Variants in PEAK1 observed in about 807,000 individuals in gnomAD.
The protein encoded by PEAK1 is inactive tyrosine-protein kinase PEAK1.
In PEAK1, 54 loss-of-function variants were observed where a neutral mutation model predicts 124.7. That is an observed-to-expected ratio of 0.43 (90% confidence interval 0.35 to 0.54). The LOEUF (loss-of-function observed/expected upper bound fraction) is 0.54. Among genes scored for constraint, PEAK1 ranks in the 20% least tolerant of loss-of-function variants. The probability of loss-of-function intolerance (pLI) is 0.01; values close to 1 mark genes in which losing one functional copy is unlikely to be tolerated. For synonymous variants in PEAK1, 719 were observed against 760.0 expected (o/e 0.95, Z 0.89); for missense variants, 2,046 against 2,134.5 (o/e 0.96, Z 0.82).
intron 5 of PEAK1, among the ~76,000 whole-genome samples, chr15:77,271,453 T>G (rs1045053677): frequency 6.6e-6 from 1 of 152,140 alleles, no homozygotes; most frequent in African/African-American, 2.4e-5. Flanking sequence ...GGATTATAAA[T>G]CATGCTGCTA....
chr15:77,388,681 T>G (rs1419660974), intron 1 of PEAK1, among the ~76,000 whole-genome samples: 4 of 152,152 alleles, frequency 2.6e-5, no homozygotes, highest in African/African-American at 4.8e-5. Context: ...TGATCATTGT[T>G]TTCTGTTAAA....
intron 1 of PEAK1, among the ~76,000 whole-genome samples, chr15:77,397,014 TCTC>T (rs2070942589): frequency 1.3e-5 from 2 of 152,256 alleles, no homozygotes; most frequent in South Asian, 4.1e-4. Flanking sequence ...TACACATTCT[TCTC>T]CTCAGCACAT....
At chr15:77,241,606 A>G (rs536258019) in intron 6 of PEAK1, among the ~76,000 whole-genome samples, 79 of 152,250 alleles carry the variant, frequency 5.2e-4, no homozygotes, top group South Asian at 2.9e-3. Context: ...TCTTAGAATT[A>G]ATACGTATTT....
At chr15:77,259,159 C>T (rs1375934428) in intron 5 of PEAK1, among the ~76,000 whole-genome samples, 1 of 152,124 alleles carries the variant, frequency 6.6e-6, no homozygotes, top group Non-Finnish European at 1.5e-5. Flanking sequence ...ACAGATAACA[C>T]TTACCAAATT....
chr15:77,225,666 T>TTTTATATATATATA (rs1555448932), intron 6 of PEAK1, among the ~76,000 whole-genome samples: 3 of 87,992 alleles, frequency 3.4e-5, no homozygotes, highest in Admixed American at 1.3e-4. Flanking sequence ...TGTGTATAAT[T>TTTTATATATATATA]TATATATATA....
At chr15:77,313,652 ATGTGTGTGTGTGTG>A (rs775220459) in intron 2 of PEAK1, among the ~76,000 whole-genome samples, 4 of 90,600 alleles carry the variant, frequency 4.4e-5, no homozygotes, top group Admixed American at 1.3e-4. Context: ...GTATGTATGT[ATGTGTGTGTGTGTG>A]TGTGTGTGTG....
intron 1 of PEAK1, chr15:77,371,000 A>G (rs2068598030): frequency 1.3e-6 from 1 of 797,404 alleles, no homozygotes; most frequent in Non-Finnish European, 1.5e-6. Flanking sequence ...ACTGCACTCC[A>G]GCCTGGCAAC....
intron 9 of PEAK1, among the ~76,000 whole-genome samples, chr15:77,116,959 T>C (rs978079246): frequency 6.6e-6 from 1 of 152,184 alleles, no homozygotes; most frequent in African/African-American, 2.4e-5. Flanking sequence ...TATAATCCTA[T>C]ATGCTCATCA....
At chr15:77,312,155 T>C (rs965979015) in intron 2 of PEAK1, among the ~76,000 whole-genome samples, 1 of 152,194 alleles carries the variant, frequency 6.6e-6, no homozygotes, top group East Asian at 1.9e-4. Flanking sequence ...GTACTACTCC[T>C]GGGTTTCTGT....
intron 2 of PEAK1, among the ~76,000 whole-genome samples, chr15:77,340,252 G>GT (rs1321597663): frequency 1.3e-5 from 2 of 152,180 alleles, no homozygotes; most frequent in Non-Finnish European, 2.9e-5. Context: ...TGGATAAAGT[G>GT]TATTAAGTCC....
At chr15:77,188,365 T>G (rs1323811078) in intron 6 of PEAK1, among the ~76,000 whole-genome samples, 1 of 152,206 alleles carries the variant, frequency 6.6e-6, no homozygotes, top group Non-Finnish European at 1.5e-5. Flanking sequence ...AATGCACCCC[T>G]GCAAAGCAGC....
At chr15:77,343,957 T>C (rs977827662) in intron 2 of PEAK1, among the ~76,000 whole-genome samples, 19 of 152,210 alleles carry the variant, frequency 1.2e-4, no homozygotes, top group African/African-American at 4.1e-4. Flanking sequence ...GGACTCCAAC[T>C]TCATTCTTTT....
At chr15:77,191,456 G>A (rs927621987) in intron 6 of PEAK1, among the ~76,000 whole-genome samples, 1 of 152,090 alleles carries the variant, frequency 6.6e-6, no homozygotes, top group African/African-American at 2.4e-5. Context: ...ATTTCAATGG[G>A]AACACTGTTA....
chr15:77,127,372 G>A lies in PEAK1; in HGVS notation c.4077+5633C>T, dbSNP rs149914619. Among the ~76,000 whole-genome samples the A allele has an allele frequency of 5.2e-3, 797 of 152,298 alleles. 7 individuals are homozygous for A. The highest frequency in any genetic ancestry group is 0.018 in the African/African-American group (751 of 41,566). On this transcript the variant is annotated intron_variant, in intron 9 of 9. Coordinates refer to ENST00000682557, the MANE Select transcript of PEAK1 (RefSeq NM_001385026.1). ...TGATACTGAGAAGTGGTGTGCTGTT[G>A]TAAAAATACTTTAAAAGGTAGAAGC...
rs1437976458 is a variant in PEAK1 at position 77,111,245 on chromosome 15, G to A, written c.*2911C>T. On this transcript the variant is annotated 3_prime_UTR_variant, in exon 10 of 10. Transcript: ENST00000682557. ...TTCAAACACATAGATATATAAATGT[G>A]TGTGTATGTGTCTACAGAGGGTAGG... The A allele has an allele frequency of 6.6e-6, 1 of 152,224 alleles. No homozygotes were observed. Among genetic ancestry groups the A allele is most frequent in the Non-Finnish European group, 1.5e-5 (1 of 68,032 alleles). 9.4% of individuals were successfully genotyped at this position (152,224 alleles called of 1,614,324 possible).
At chr15:77,105,556 TAAC>T (rs972514013), downstream of PEAK1, 4 of 152,236 alleles carry the variant, frequency 2.6e-5, no homozygotes, top group Admixed American at 6.5e-5. Flanking sequence ...GAGCTGCTCT[TAAC>T]AACAACTTGT....
chr15:77,275,083 T>C (rs1365043652), intron 5 of PEAK1, among the ~76,000 whole-genome samples: 1 of 152,134 alleles, frequency 6.6e-6, no homozygotes, highest in Non-Finnish European at 1.5e-5. Context: ...CCAAACATAG[T>C]ATGTTCTCAC....
chr15:77,275,550 T>C (rs929587780), intron 5 of PEAK1, among the ~76,000 whole-genome samples: 2 of 151,892 alleles, frequency 1.3e-5, no homozygotes, highest in African/African-American at 2.4e-5. Flanking sequence ...ATCCCATCTC[T>C]ACTAAAAATA....
At chr15:77,257,054 ACTC>A (rs2061187794) in intron 5 of PEAK1, among the ~76,000 whole-genome samples, 1 of 151,870 alleles carries the variant, frequency 6.6e-6, no homozygotes, top group Non-Finnish European at 1.5e-5. Context: ...AAGGACATGA[ACTC>A]CTCATTTTTT....
Sources: allele counts gnomAD v4.1 joint callset (sites outside exome capture counted in the v4.1 genomes callset), GRCh38; gene constraint gnomAD v4.1.1; transcripts MANE v1.5; gene names NCBI Gene and HGNC (gene_info 2026-07-23, HGNC 2026-07-21).